The following TENM2 variants were observed in gnomAD, a reference collection of about 807,000 sequenced individuals.
TENM2 encodes teneurin-2.
TENM2 carries 52 observed loss-of-function variants against 245.2 expected under a neutral mutation model. The observed-to-expected ratio is 0.21, with a 90% CI of 0.17 to 0.27. The LOEUF (loss-of-function observed/expected upper bound fraction) is 0.27. Ranked by LOEUF, TENM2 falls within the 10% of genes least tolerant of loss-of-function variation. The pLI is 1.00. For missense variants in TENM2, 3,046 were observed against 3,666.8 expected (o/e 0.83, Z 4.37); for synonymous variants, 1,363 against 1,438.9 (o/e 0.95, Z 1.19).
At chr5:167,858,273 C>T (rs1156874225) in intron 2 of TENM2, among the ~76,000 whole-genome samples, 3 of 152,232 alleles carry the variant, frequency 2.0e-5, no homozygotes, top group South Asian at 2.1e-4. Flanking sequence ...CTTCATAAGA[C>T]GAGGAAGTCT....
At chr5:167,875,957 A>T (rs1360690863) in intron 2 of TENM2, 29 bp from the exon 5 acceptor site, 1 of 1,507,452 alleles carries the variant, frequency 6.6e-7, no homozygotes, top group African/African-American at 1.4e-5. Context: ...CTCATTGCTG[A>T]CCTTTGACCC....
At chr5:167,037,340 G>C in the TENM2 span, among the ~76,000 whole-genome samples, 2 of 152,096 alleles carry the variant, frequency 1.3e-5, no homozygotes, top group Non-Finnish European at 2.9e-5. Flanking sequence ...GAGGCACTTA[G>C]GTAATCATTT....
chr5:168,118,857 ATCTT>A (rs1795276660), intron 10 of TENM2, among the ~76,000 whole-genome samples: 1 of 151,164 alleles, frequency 6.6e-6, no homozygotes. Context: ...CCCTCGCCCT[ATCTT>A]TCTTCCTCTT....
chr5:167,610,761 T>C (rs1777428922), intron 2 of TENM2, among the ~76,000 whole-genome samples: 1 of 152,182 alleles, frequency 6.6e-6, no homozygotes, highest in Non-Finnish European at 1.5e-5. Flanking sequence ...TCAGGCTGGT[T>C]CATTTCCATG....
At chr5:167,889,508 C>T (rs1014072924) in intron 3 of TENM2, among the ~76,000 whole-genome samples, 1 of 152,152 alleles carries the variant, frequency 6.6e-6, no homozygotes, top group African/African-American at 2.4e-5. Flanking sequence ...TCTCAATGAC[C>T]TTTTGCATCT....
At chr5:167,969,906 C>G (rs187823005) in intron 4 of TENM2, among the ~76,000 whole-genome samples, 2 of 152,312 alleles carry the variant, frequency 1.3e-5, no homozygotes, top group East Asian at 3.9e-4. Context: ...ATCACGTGCC[C>G]ATGTGGGGGC....
chr5:167,669,873 T>A (rs1755821954), intron 2 of TENM2, among the ~76,000 whole-genome samples: 1 of 151,772 alleles, frequency 6.6e-6, no homozygotes, highest in Non-Finnish European at 1.5e-5. Context: ...TTTTTTTTTT[T>A]AAATAAAAGA....
At chr5:167,688,727 G>A (rs1267548692) in intron 2 of TENM2, among the ~76,000 whole-genome samples, 1 of 152,194 alleles carries the variant, frequency 6.6e-6, no homozygotes. Context: ...CCACCTTAAA[G>A]AAATGGATTT....
At chr5:167,472,010 A>G (rs373807808) in intron 2 of TENM2, among the ~76,000 whole-genome samples, 2 of 152,168 alleles carry the variant, frequency 1.3e-5, no homozygotes, top group African/African-American at 2.4e-5. Flanking sequence ...TTGCTCGCCT[A>G]TCTTTTGCTC....
chr5:167,097,394 A>T, the TENM2 span, among the ~76,000 whole-genome samples: 1 of 152,278 alleles, frequency 6.6e-6, no homozygotes, highest in East Asian at 1.9e-4. Flanking sequence ...TTAATGTAGC[A>T]TGCTGTTAAT....
At chr5:167,420,146 G>A (rs1039972674) in intron 2 of TENM2, among the ~76,000 whole-genome samples, 1 of 152,244 alleles carries the variant, frequency 6.6e-6, no homozygotes, top group African/African-American at 2.4e-5. Context: ...AGATGCAGGA[G>A]TAGTTTGCAA....
At chr5:167,157,574 T>C in the TENM2 span, among the ~76,000 whole-genome samples, 1 of 152,192 alleles carries the variant, frequency 6.6e-6, no homozygotes, top group African/African-American at 2.4e-5. Flanking sequence ...CCTCCAGATG[T>C]CTGGGAAAAA....
intron 1 of TENM2, among the ~76,000 whole-genome samples, chr5:167,304,424 G>A (rs1017922955): frequency 6.6e-6 from 1 of 152,134 alleles, no homozygotes; most frequent in Non-Finnish European, 1.5e-5. Flanking sequence ...ATACAAATTG[G>A]GTTAAGACGT....
chr5:167,023,739 G>A, the TENM2 span, among the ~76,000 whole-genome samples: 1 of 152,124 alleles, frequency 6.6e-6, no homozygotes, highest in African/African-American at 2.4e-5. Flanking sequence ...GCATCTATAT[G>A]TCCAAGATAG....
chr5:167,696,884 G>A (rs530664542), intron 2 of TENM2, among the ~76,000 whole-genome samples: 1 of 152,208 alleles, frequency 6.6e-6, no homozygotes, highest in Non-Finnish European at 1.5e-5. Flanking sequence ...ACCTTAAAAA[G>A]TGAATCAACC....
intron 1 of TENM2, among the ~76,000 whole-genome samples, chr5:167,310,591 G>A (rs1755972594): frequency 6.6e-6 from 1 of 151,902 alleles, no homozygotes; most frequent in Non-Finnish European, 1.5e-5. Flanking sequence ...CTGTGTAGGA[G>A]GTTTTGTGTT....
chr5:167,070,893 A>T, the TENM2 span, among the ~76,000 whole-genome samples: 130 of 152,260 alleles, frequency 8.5e-4, 1 homozygote, highest in African/African-American at 3.0e-3. Context: ...TAAGCACCTA[A>T]CATTTTTCTA....
the TENM2 span, among the ~76,000 whole-genome samples, chr5:167,043,323 G>T: frequency 6.6e-6 from 1 of 152,158 alleles, no homozygotes; most frequent in Admixed American, 6.5e-5. Context: ...GGTATAAAGT[G>T]TAAATGCTAA....
exon 22 of TENM2, chr5:168,216,771 T>C (rs1222145468): frequency 6.2e-7 from 1 of 1,613,826 alleles, no homozygotes; most frequent in South Asian, 1.1e-5. Flanking sequence ...TGCTCAGGTA[T>C]TGCAGTAGAC....
Sources: gnomAD v4.1 joint callset for allele counts (sites outside exome capture counted in the v4.1 genomes callset) on GRCh38, gnomAD v4.1.1 for gene constraint, MANE v1.5 for transcripts, NCBI Gene and HGNC (gene_info 2026-07-23, HGNC 2026-07-21) for gene names.